Variants in GPHN observed in about 807,000 individuals in gnomAD.
GPHN encodes gephyrin.
A neutral mutation model predicts 95.5 loss-of-function variants in GPHN; 17 were observed. That is an observed-to-expected ratio of 0.18 (90% CI 0.12 to 0.27). The LOEUF is 0.27. Ranked by LOEUF, GPHN falls within the 10% of genes least tolerant of loss-of-function variation. The pLI is 1.00. For missense variants in GPHN, 660 were observed against 978.1 expected (o/e 0.67, Z 4.34); for synonymous variants, 320 against 322.5 (o/e 0.99, Z 0.08).
rs550679080 is a variant in GPHN at position 66,838,978 on chromosome 14, A to G, written c.294+14412A>G. On this transcript the variant is annotated intron_variant, in intron 4 of 22. Transcript: ENST00000478722. ...GTAGATTGAGGCAACAAAGTAAACA[A>G]TTTGAATAATTCTAATAATTTTACC... Among the ~76,000 whole-genome samples the G allele has an allele frequency of 3.9e-5, 6 of 152,350 alleles. No individual in the cohort carries two copies. In the South Asian group the frequency reaches 1.2e-3, roughly 32 times the overall value.
the GPHN span, among the ~76,000 whole-genome samples, chr14:67,655,654 A>G: frequency 1.3e-5 from 2 of 152,200 alleles, no homozygotes; most frequent in South Asian, 4.1e-4. Flanking sequence ...GCTCTAAATA[A>G]CAGGATATAA....
chr14:66,774,025 A>C (rs1199865354), intron 2 of GPHN, among the ~76,000 whole-genome samples: 1 of 93,962 alleles, frequency 1.1e-5, no homozygotes, highest in Non-Finnish European at 1.9e-5. Context: ...TTTTTTTGAG[A>C]TGGAGTCTCG....
chr14:67,158,054 C>T (rs967470912), intron 18 of GPHN, among the ~76,000 whole-genome samples: 1 of 151,428 alleles, frequency 6.6e-6, no homozygotes, highest in African/African-American at 2.4e-5. Context: ...CGCCTGTAAT[C>T]CCAGCACTTT....
intron 4 of GPHN, among the ~76,000 whole-genome samples, chr14:66,878,495 A>G (rs546329458): frequency 1.3e-5 from 2 of 152,326 alleles, no homozygotes; most frequent in South Asian, 4.1e-4. Flanking sequence ...TACAGAATCT[A>G]TAAAGAACTT....
the GPHN span, among the ~76,000 whole-genome samples, chr14:67,519,431 C>T: frequency 0.041 from 6,215 of 152,278 alleles, 165 homozygotes; most frequent in Non-Finnish European, 0.062. Context: ...AGCAACTAGA[C>T]GCCAATCTTT....
chr14:66,567,904 T>C (rs2060525229), intron 1 of GPHN, among the ~76,000 whole-genome samples: 2 of 152,172 alleles, frequency 1.3e-5, no homozygotes. Context: ...TCCCTGCCAT[T>C]AACGAGCTCA....
At chr14:66,520,940 G>C (rs965715837) in intron 1 of GPHN, among the ~76,000 whole-genome samples, 1 of 151,968 alleles carries the variant, frequency 6.6e-6, no homozygotes, top group Non-Finnish European at 1.5e-5. Flanking sequence ...ACTTATAAGT[G>C]AGAACATCTG....
chr14:67,572,138 T>C, the GPHN span: 2 of 1,606,042 alleles, frequency 1.2e-6, no homozygotes, highest in Non-Finnish European at 1.7e-6. Flanking sequence ...CGGCAAGGCG[T>C]CTCCATGTCC....
At chr14:66,925,092 T>C (rs2153562749) in intron 8 of GPHN, among the ~76,000 whole-genome samples, 1 of 152,268 alleles carries the variant, frequency 6.6e-6, no homozygotes, top group East Asian at 1.9e-4. Context: ...TTAGCATCCA[T>C]AGTCTCTTAG....
At chr14:66,707,141 A>G (rs2069152821) in intron 2 of GPHN, among the ~76,000 whole-genome samples, 1 of 152,056 alleles carries the variant, frequency 6.6e-6, no homozygotes, top group African/African-American at 2.4e-5. Context: ...CAGAATGGCG[A>G]TTATTAAAAA....
chr14:67,154,388 A>G (rs2087971763), intron 18 of GPHN, among the ~76,000 whole-genome samples: 2 of 152,180 alleles, frequency 1.3e-5, no homozygotes, highest in Admixed American at 1.3e-4. Context: ...ACCACAAATT[A>G]TAATTATTTT....
At chr14:67,727,957 A>G in the GPHN span, 5 of 152,262 alleles carry the variant, frequency 3.3e-5, no homozygotes, top group African/African-American at 1.2e-4. Flanking sequence ...TTAGGGCTGG[A>G]TTTCAGACCC....
At chr14:66,644,266 A>C (rs2153356551) in intron 1 of GPHN, among the ~76,000 whole-genome samples, 1 of 152,228 alleles carries the variant, frequency 6.6e-6, no homozygotes, top group East Asian at 1.9e-4. Context: ...TGCAGACATC[A>C]TTCTTCTCAA....
At chr14:67,349,469 C>T in the GPHN span, among the ~76,000 whole-genome samples, 1 of 152,198 alleles carries the variant, frequency 6.6e-6, no homozygotes, top group African/African-American at 2.4e-5. Flanking sequence ...ATTGGTTAAG[C>T]TGGCGTTCAA....
chr14:67,543,384 C>T, the GPHN span, among the ~76,000 whole-genome samples: 1 of 152,202 alleles, frequency 6.6e-6, no homozygotes, highest in East Asian at 1.9e-4. Context: ...CTTTGCAAAA[C>T]AGAGATGTGC....
At chr14:66,742,270 A>T (rs1395227500) in intron 2 of GPHN, among the ~76,000 whole-genome samples, 2 of 152,176 alleles carry the variant, frequency 1.3e-5, no homozygotes, top group Admixed American at 1.3e-4. Context: ...ATTCTGATAC[A>T]TGTTAATTGT....
the GPHN span, among the ~76,000 whole-genome samples, chr14:67,346,503 C>T: frequency 1.3e-5 from 2 of 152,098 alleles, no homozygotes; most frequent in Non-Finnish European, 2.9e-5. Context: ...TGGGTGGAGA[C>T]GGGGTTTCAC....
At chr14:67,495,822 C>T in the GPHN span, among the ~76,000 whole-genome samples, 2 of 152,198 alleles carry the variant, frequency 1.3e-5, no homozygotes, top group African/African-American at 4.8e-5. Context: ...CCTAAAGTTA[C>T]ATGCTATTCC....
At chr14:67,657,753 T>A in the GPHN span, among the ~76,000 whole-genome samples, 1 of 33,042 alleles carries the variant, frequency 3.0e-5, no homozygotes, top group Admixed American at 5.1e-4. Flanking sequence ...CTTTCTTTCT[T>A]TTTTTTTTTT....
Sources: gnomAD v4.1 joint callset for allele counts (sites outside exome capture counted in the v4.1 genomes callset) on GRCh38, gnomAD v4.1.1 for gene constraint, MANE v1.5 for transcripts, NCBI Gene and HGNC (gene_info 2026-07-23, HGNC 2026-07-21) for gene names.